Variants in ZSCAN25 observed in about 807,000 individuals in gnomAD.
The protein encoded by ZSCAN25 is zinc finger and SCAN domain containing 25, also known as zinc finger and SCAN domain-containing protein 25.
In ZSCAN25, 27 loss-of-function variants were observed where a neutral mutation model predicts 38.7. The observed-to-expected ratio is 0.70, with a 90% confidence interval of 0.51 to 0.96. The LOEUF is 0.96. Among genes scored for constraint, ZSCAN25 ranks in the 40% least tolerant of loss-of-function variants. The pLI is 0.00. For synonymous variants in ZSCAN25, 273 were observed against 277.7 expected (o/e 0.98, Z 0.17); for missense variants, 637 against 705.9 (o/e 0.90, Z 1.11).
chr7:99,632,241 A>G lies in ZSCAN25; in HGVS notation c.*2221A>G, dbSNP rs764743719. 3.0e-6 allele frequency: 3 copies of G among 984,796 alleles called. No individual in the cohort carries two copies. The highest frequency in any genetic ancestry group is 1.1e-4 in the East Asian group (1 of 8,796). 61.0% of individuals were successfully genotyped at this position (984,796 alleles called of 1,614,324 possible). A position where few individuals can be genotyped will look rare whatever the true frequency, so the allele number is the denominator to read the frequency against. On this transcript the variant is annotated 3_prime_UTR_variant, in exon 8 of 8. Transcript: ENST00000394152. ...CTAAGTAGGGGGTTTTTCCCATGGG[A>G]TTGTGGTAGTCTGATTTTTCATATC...
chr7:99,713,445 C>A, the ZSCAN25 span: 2 of 1,613,184 alleles, frequency 1.2e-6, no homozygotes, highest in Admixed American at 3.3e-5. Context: ...CCACCAGTAG[C>A]CCTCAGAAGC....
chr7:99,720,920 G>A, the ZSCAN25 span: 24 of 164,966 alleles, frequency 1.5e-4, no homozygotes, highest in Admixed American at 4.4e-4. Context: ...CATGTTGCCT[G>A]TATGGGCCAT....
rs1321074247 is a variant in ZSCAN25, at chr7:99,629,365, C to T, written c.980C>T (p.Pro327Leu). The change falls in exon 8 of 8, where the codon CCC becomes CTC. Residue 327 changes from proline (P) to leucine (L), a missense_variant. Coordinates refer to ENST00000394152, the MANE Select transcript of ZSCAN25 (RefSeq NM_145115.3). The surrounding 1 kb of genome is among the most constrained non-coding windows in gnomAD (Gnocchi z 5.6). ...GGCAGTGCGCCTGGGCTTCCTCCTC[C>T]CCAGCACGGTGCCATCCCCCTGCCT... is the stretch of plus-strand genomic sequence containing the variant. ...PAGSAPGLPPPQHGAIPLPDE... is the reference protein window; with the variant it reads ...PAGSAPGLPPLQHGAIPLPDE... The T allele has an allele frequency of 6.2e-7, 1 of 1,614,182 alleles. No individual in the cohort carries two copies. Among genetic ancestry groups the T allele is most frequent in the South Asian group, 1.1e-5 (1 of 91,086 alleles).
At chr7:99,678,119 C>T in the ZSCAN25 span, among the ~76,000 whole-genome samples, 1 of 152,212 alleles carries the variant, frequency 6.6e-6, no homozygotes, top group Non-Finnish European at 1.5e-5. Context: ...CTGGGCTGCA[C>T]CAGCATTGTC....
At chr7:99,685,347 A>G in the ZSCAN25 span, 2 of 1,377,144 alleles carry the variant, frequency 1.5e-6, no homozygotes, top group Non-Finnish European at 2.0e-6. Context: ...GTTTGTGACC[A>G]TTACAAACTA....
chr7:99,708,800 G>A, the ZSCAN25 span, among the ~76,000 whole-genome samples: 1 of 152,150 alleles, frequency 6.6e-6, no homozygotes, highest in Non-Finnish European at 1.5e-5. Flanking sequence ...GACCCATAAG[G>A]ACATAATTGA....
At chr7:99,678,651 T>A in the ZSCAN25 span, among the ~76,000 whole-genome samples, 1 of 152,194 alleles carries the variant, frequency 6.6e-6, no homozygotes, top group South Asian at 2.1e-4. Context: ...ATGCTGGAAA[T>A]AGTCTATCTC....
the ZSCAN25 span, among the ~76,000 whole-genome samples, chr7:99,638,937 C>T: frequency 1.3e-5 from 2 of 152,216 alleles, no homozygotes; most frequent in African/African-American, 2.4e-5. Flanking sequence ...CATCACCGAC[C>T]GCACAACTTG....
At chr7:99,683,189 A>G in the ZSCAN25 span, among the ~76,000 whole-genome samples, 1 of 152,200 alleles carries the variant, frequency 6.6e-6, no homozygotes, top group Non-Finnish European at 1.5e-5. Context: ...TGGCCCTGGA[A>G]TCAGCCATTT....
In ZSCAN25 at chr7:99,631,056, G is replaced by T; in HGVS notation, c.*1036G>T. On this transcript the variant is annotated 3_prime_UTR_variant, in exon 8 of 8. Coordinates refer to ENST00000394152, the MANE Select transcript of ZSCAN25 (RefSeq NM_145115.3). ...TTCTGGGTGCTTGAGACACATCCAT[G>T]AATAAAATAGGGGGAGAAGCTGTTG... 1 of 982,556 alleles carries T rather than the reference G, an allele frequency of 1.0e-6. No homozygotes were observed. The allele number at this position is 982,556 out of a possible 1,614,324, so 60.9% of individuals were successfully genotyped here.
the ZSCAN25 span, among the ~76,000 whole-genome samples, chr7:99,653,887 G>T: frequency 6.6e-6 from 1 of 152,196 alleles, no homozygotes; most frequent in South Asian, 2.1e-4. The surrounding 1 kb of genome is among the most constrained non-coding windows in gnomAD (Gnocchi z 4.2). Flanking sequence ...TTCCTAGCTT[G>T]GCTTCTTGGC....
At chr7:99,660,553 G>A in the ZSCAN25 span, 3 of 1,613,912 alleles carry the variant, frequency 1.9e-6, no homozygotes, top group South Asian at 1.1e-5. Flanking sequence ...GGACATCAGG[G>A]TGAGTGGCCA....
At chr7:99,725,392 G>A in the ZSCAN25 span, among the ~76,000 whole-genome samples, 11 of 152,150 alleles carry the variant, frequency 7.2e-5, no homozygotes, top group Admixed American at 6.5e-4. Context: ...GAGAAGAGGC[G>A]GCCAAGTGAC....
chr7:99,622,757 C>T (rs1414971505), intron 6 of ZSCAN25, 117 bp downstream of exon 6: 12 of 907,916 alleles, frequency 1.3e-5, no homozygotes, highest in South Asian at 4.8e-5. Flanking sequence ...GTCATTCTCC[C>T]TTCCTAGTCC....
At chr7:99,674,697 A>C in the ZSCAN25 span, 28 of 778,100 alleles carry the variant, frequency 3.6e-5, no homozygotes, top group South Asian at 5.0e-4. Context: ...GCTATCTTTC[A>C]CTGGCAGTTG....
chr7:99,676,882 C>G, the ZSCAN25 span, among the ~76,000 whole-genome samples: 1 of 152,076 alleles, frequency 6.6e-6, no homozygotes, highest in African/African-American at 2.4e-5. Context: ...TCAGGTACAC[C>G]TCAGTCTCTG....
At chr7:99,638,788 G>A in the ZSCAN25 span, 1 of 874,112 alleles carries the variant, frequency 1.1e-6, no homozygotes. Flanking sequence ...GCTGGGGCCA[G>A]GGGCATTCAG....
chr7:99,686,675 C>G, the ZSCAN25 span, among the ~76,000 whole-genome samples: 1 of 152,284 alleles, frequency 6.6e-6, no homozygotes, highest in Non-Finnish European at 1.5e-5. Context: ...TCCCAGCACG[C>G]AGCTGGAGAT....
At chr7:99,714,740 T>A in the ZSCAN25 span, 1 of 1,590,732 alleles carries the variant, frequency 6.3e-7, no homozygotes. Flanking sequence ...AAAATTTACC[T>A]GGAGCAATTC....
Sources: allele counts gnomAD v4.1 joint callset (sites outside exome capture counted in the v4.1 genomes callset), GRCh38; gene constraint gnomAD v4.1.1; non-coding constraint Gnocchi (gnomAD v3.1); transcripts MANE v1.5; gene names NCBI Gene and HGNC (gene_info 2026-07-23, HGNC 2026-07-21).